Variants in ADAMTSL1 observed in about 807,000 individuals in gnomAD.
ADAMTSL1 encodes the protein ADAMTS like 1, also known as ADAMTS-like protein 1.
ADAMTSL1 carries 126 observed loss-of-function variants against 201.8 expected under a neutral mutation model. The ratio of observed to expected loss-of-function variants is 0.62; its 90% CI spans 0.54 to 0.72. The LOEUF (loss-of-function observed/expected upper bound fraction) is 0.72, where lower values mean the gene tolerates loss of function less well. ADAMTSL1 is among the 30% of genes least tolerant of loss of function. The pLI is 0.00. For synonymous variants in ADAMTSL1, 1,121 were observed against 903.4 expected, an observed-to-expected ratio of 1.24 and a Z score of -4.32; for missense variants, 2,679 against 2,277.8, an observed-to-expected ratio of 1.18 and a Z score of -3.59.
chr9:18,557,152 AG>A (rs1317763982), intron 3 of ADAMTSL1, among the ~76,000 whole-genome samples: 1 of 152,040 alleles, frequency 6.6e-6, no homozygotes, highest in Non-Finnish European at 1.5e-5. Flanking sequence ...ATCATGAAAC[AG>A]TCTGAGAACT....
At chr9:18,154,416 G>A (rs960141527) in intron 1 of ADAMTSL1, among the ~76,000 whole-genome samples, 33 of 152,016 alleles carry the variant, frequency 2.2e-4, no homozygotes, top group Admixed American at 9.2e-4. Flanking sequence ...TGGTGGTTCC[G>A]TAGGCACAGC....
At chr9:18,370,865 C>G (rs1837014943) in intron 2 of ADAMTSL1, among the ~76,000 whole-genome samples, 1 of 151,880 alleles carries the variant, frequency 6.6e-6, no homozygotes, top group African/African-American at 2.4e-5. Context: ...AGGTGTTCAT[C>G]TCAAATTATA....
chr9:18,066,988 G>T (rs1174150229), intron 1 of ADAMTSL1, among the ~76,000 whole-genome samples: 1 of 152,164 alleles, frequency 6.6e-6, no homozygotes, highest in Non-Finnish European at 1.5e-5. Flanking sequence ...GGACTGTTGT[G>T]GGGTGGGGGG....
At chr9:18,185,293 G>A (rs1828685970) in intron 2 of ADAMTSL1, among the ~76,000 whole-genome samples, 1 of 152,016 alleles carries the variant, frequency 6.6e-6, no homozygotes, top group African/African-American at 2.4e-5. Flanking sequence ...CCTTCCTACT[G>A]GCTTTGAAGA....
Position 18,815,963 on chromosome 9 carries a change from G to A in ADAMTSL1, c.3806-1146G>A, listed in dbSNP as rs146301140. ...TAAAAATCAAATTAGGGTATTTGGC[G>A]TATCCAACACTTCTTATATTTATCA... On this transcript the variant is annotated intron_variant, in intron 20 of 28. Coordinates refer to ENST00000380548, the MANE Select transcript of ADAMTSL1 (RefSeq NM_001040272.6). 1.8e-3 allele frequency among the ~76,000 whole-genome samples: 275 copies of A among 152,086 alleles called. 3 individuals are homozygous for A. The highest frequency in any genetic ancestry group is 3.4e-3 in the Middle Eastern group (1 of 294).
intron 1 of ADAMTSL1, among the ~76,000 whole-genome samples, chr9:18,502,157 G>A (rs781102736): frequency 1.2e-4 from 18 of 152,144 alleles, no homozygotes; most frequent in South Asian, 2.1e-4. Context: ...TGAATGCTGC[G>A]TGTGGATTTT....
At chr9:18,640,338 A>T (rs993000038) in intron 7 of ADAMTSL1, among the ~76,000 whole-genome samples, 1 of 152,146 alleles carries the variant, frequency 6.6e-6, no homozygotes, top group Non-Finnish European at 1.5e-5. Context: ...TAGGTAGTTA[A>T]ATGATTTCTG....
chr9:18,487,924 A>G (rs979793971), intron 1 of ADAMTSL1, among the ~76,000 whole-genome samples: 4 of 152,172 alleles, frequency 2.6e-5, no homozygotes, highest in Non-Finnish European at 4.4e-5. Context: ...TTCTGATTAT[A>G]GCAACTTGAA....
At chr9:18,760,233 T>C (rs753757728) in intron 16 of ADAMTSL1, among the ~76,000 whole-genome samples, 2 of 152,182 alleles carry the variant, frequency 1.3e-5, no homozygotes, top group Non-Finnish European at 2.9e-5. Flanking sequence ...CTATACCCTA[T>C]TTTATTCCAT....
chr9:18,078,832 A>T (rs552250438), intron 1 of ADAMTSL1, among the ~76,000 whole-genome samples: 2 of 152,160 alleles, frequency 1.3e-5, no homozygotes, highest in African/African-American at 4.8e-5. Context: ...GGACCCTCAA[A>T]AAAAGGCAAT....
intron 1 of ADAMTSL1, among the ~76,000 whole-genome samples, chr9:18,491,741 C>T (rs560145068): frequency 2.0e-5 from 3 of 152,220 alleles, no homozygotes; most frequent in Admixed American, 6.5e-5. Context: ...AGCCCCAAAA[C>T]GTAAATATTT....
intron 2 of ADAMTSL1, among the ~76,000 whole-genome samples, chr9:18,466,611 T>A (rs1470824715): frequency 2.0e-5 from 3 of 152,190 alleles, no homozygotes; most frequent in Admixed American, 6.5e-5. Flanking sequence ...CATAAATATA[T>A]GCAATTTTAT....
intron 15 of ADAMTSL1, among the ~76,000 whole-genome samples, chr9:18,733,638 C>T (rs1178439321): frequency 2.4e-5 from 3 of 125,826 alleles, no homozygotes; most frequent in South Asian, 5.2e-4. Flanking sequence ...TCCCCCCACA[C>T]ACACACTCAC....
intron 4 of ADAMTSL1, among the ~76,000 whole-genome samples, chr9:18,614,833 A>T (rs764743888): frequency 2.6e-5 from 4 of 152,322 alleles, no homozygotes; most frequent in Middle Eastern, 3.4e-3. Flanking sequence ...TATTGGAACA[A>T]CAAACAGAGG....
chr9:18,748,692 A>C (rs982964304), intron 15 of ADAMTSL1, among the ~76,000 whole-genome samples: 2 of 152,178 alleles, frequency 1.3e-5, no homozygotes, highest in Non-Finnish European at 2.9e-5. Context: ...TTCACTGCAA[A>C]TTCAACTCAG....
intron 1 of ADAMTSL1, among the ~76,000 whole-genome samples, chr9:17,949,259 G>A (rs1827636492): frequency 6.6e-6 from 1 of 152,192 alleles, no homozygotes; most frequent in Non-Finnish European, 1.5e-5. Context: ...AGTGGTAGAA[G>A]TGAGGGAGGT....
At chr9:18,412,627 G>A (rs1818494451) in intron 2 of ADAMTSL1, among the ~76,000 whole-genome samples, 1 of 152,068 alleles carries the variant, frequency 6.6e-6, no homozygotes, top group South Asian at 2.1e-4. Context: ...TTGTGGTTTT[G>A]CGTTTTTGCT....
chr9:18,678,553 C>CTAT (rs1265939841), intron 10 of ADAMTSL1, among the ~76,000 whole-genome samples: 2 of 152,094 alleles, frequency 1.3e-5, no homozygotes, highest in African/African-American at 4.8e-5. Context: ...ATACTTACTG[C>CTAT]TATTTGTGAA....
chr9:18,238,562 G>A (rs982613390), intron 2 of ADAMTSL1, among the ~76,000 whole-genome samples: 1 of 152,072 alleles, frequency 6.6e-6, no homozygotes, highest in Non-Finnish European at 1.5e-5. Flanking sequence ...CATTAGGAAT[G>A]TTAGGTGAGA....
Sources: gnomAD v4.1 joint callset for allele counts (sites outside exome capture counted in the v4.1 genomes callset) on GRCh38, gnomAD v4.1.1 for gene constraint, MANE v1.5 for transcripts, NCBI Gene and HGNC (gene_info 2026-07-23, HGNC 2026-07-21) for gene names.